Variants in GALNT13 observed in about 807,000 individuals in gnomAD.
GALNT13 encodes the protein UDP-GalNAc:polypeptide N-acetylgalactosaminyltransferase 13.
Under a neutral mutation model 64.2 loss-of-function variants are expected in GALNT13, and 28 were observed. That is an observed-to-expected ratio of 0.44 (90% CI 0.32 to 0.60). GALNT13 has a LOEUF of 0.60. Ranked by LOEUF, GALNT13 falls within the 20% of genes least tolerant of loss-of-function variation. The pLI is 0.05. For synonymous variants in GALNT13, 214 were observed against 224.6 expected (o/e 0.95, Z 0.42); for missense variants, 577 against 669.8 (o/e 0.86, Z 1.53).
chr2:154,355,271 G>T (rs554235761), intron 9 of GALNT13, among the ~76,000 whole-genome samples: 13 of 152,198 alleles, frequency 8.5e-5, no homozygotes, highest in African/African-American at 2.4e-4. Context: ...CACTGTAAAA[G>T]GTCACATGAG....
At chr2:153,308,312 C>T in the GALNT13 span, among the ~76,000 whole-genome samples, 6 of 152,226 alleles carry the variant, frequency 3.9e-5, no homozygotes, top group Admixed American at 6.5e-5. Flanking sequence ...TTAACCTGAC[C>T]TTGTCCATTT....
chr2:153,099,311 T>C, the GALNT13 span, among the ~76,000 whole-genome samples: 1 of 152,134 alleles, frequency 6.6e-6, no homozygotes, highest in South Asian at 2.1e-4. Context: ...TCTGTGACAT[T>C]TTGATGGTAA....
chr2:153,535,474 G>C, the GALNT13 span, among the ~76,000 whole-genome samples: 1 of 152,310 alleles, frequency 6.6e-6, no homozygotes, highest in Admixed American at 6.5e-5. Context: ...ATGAGTAGTT[G>C]AGAACGGTGA....
the GALNT13 span, among the ~76,000 whole-genome samples, chr2:153,112,701 G>A: frequency 6.6e-6 from 1 of 152,002 alleles, no homozygotes; most frequent in African/African-American, 2.4e-5. Flanking sequence ...TTCTTAATTA[G>A]AAGAACACAT....
intron 9 of GALNT13, among the ~76,000 whole-genome samples, chr2:154,307,434 T>C (rs1023851247): frequency 1.3e-5 from 2 of 152,244 alleles, no homozygotes; most frequent in African/African-American, 4.8e-5. Flanking sequence ...TAGCTTCATG[T>C]GTGAATACCT....
At chr2:153,847,443 G>A in the GALNT13 span, among the ~76,000 whole-genome samples, 2 of 151,352 alleles carry the variant, frequency 1.3e-5, no homozygotes, top group African/African-American at 4.9e-5. Flanking sequence ...TCACCCTAAG[G>A]TAAAAAAGAG....
At chr2:153,426,195 T>A in the GALNT13 span, among the ~76,000 whole-genome samples, 2 of 151,860 alleles carry the variant, frequency 1.3e-5, no homozygotes, top group African/African-American at 4.8e-5. Flanking sequence ...TAATCAGCAT[T>A]GGAGATTGAG....
At chr2:153,334,144 A>C in the GALNT13 span, among the ~76,000 whole-genome samples, 1 of 152,180 alleles carries the variant, frequency 6.6e-6, no homozygotes, top group Non-Finnish European at 1.5e-5. Context: ...CAAAAAAAGA[A>C]ATGAGAAAAG....
intron 3 of GALNT13, among the ~76,000 whole-genome samples, chr2:154,032,331 A>G (rs1698389928): frequency 6.6e-6 from 1 of 152,066 alleles, no homozygotes; most frequent in Admixed American, 6.6e-5. Flanking sequence ...AGATAGATTA[A>G]CTAGTGAAGT....
chr2:153,991,321 A>G (rs1695144477), intron 3 of GALNT13, among the ~76,000 whole-genome samples: 1 of 152,182 alleles, frequency 6.6e-6, no homozygotes, highest in African/African-American at 2.4e-5. Context: ...GGATTCAGGG[A>G]CCTGAAGATA....
chr2:153,615,125 A>C, the GALNT13 span, among the ~76,000 whole-genome samples: 1 of 152,070 alleles, frequency 6.6e-6, no homozygotes, highest in South Asian at 2.1e-4. Context: ...TGAAAAACAT[A>C]CCATGTTTGT....
chr2:154,152,549 C>G (rs982917481), intron 4 of GALNT13, among the ~76,000 whole-genome samples: 1 of 152,126 alleles, frequency 6.6e-6, no homozygotes, highest in Non-Finnish European at 1.5e-5. Context: ...TCCATTCACC[C>G]CGTCACTTTC....
Position 154,022,922 on chromosome 2 carries a change from C to T in GALNT13, c.142+78283C>T, listed in dbSNP as rs13015099. 9.6e-3 allele frequency among the ~76,000 whole-genome samples: 1,456 copies of T among 152,266 alleles called. 9 individuals are homozygous for T. The highest frequency in any genetic ancestry group is 0.024 in the Middle Eastern group (7 of 294). ...CTTTGTTCTCATTGGTTTCAAAGAA[C>T]ATCTTTATTTCTGCCTTCATTTCAT... On this transcript the variant is annotated intron_variant, in intron 3 of 12. Transcript: ENST00000392825.
At chr2:153,244,732 C>T in the GALNT13 span, among the ~76,000 whole-genome samples, 1 of 152,174 alleles carries the variant, frequency 6.6e-6, no homozygotes, top group Admixed American at 6.5e-5. Flanking sequence ...GTGCTTGAAA[C>T]CCAGGTGCCT....
chr2:153,556,551 C>A, the GALNT13 span, among the ~76,000 whole-genome samples: 2 of 152,184 alleles, frequency 1.3e-5, no homozygotes, highest in Non-Finnish European at 2.9e-5. Context: ...TCTTTTGCTA[C>A]CCAAAGGTAC....
the GALNT13 span, among the ~76,000 whole-genome samples, chr2:153,866,410 T>G: frequency 2.6e-5 from 4 of 152,274 alleles, no homozygotes; most frequent in East Asian, 5.8e-4. Context: ...CCACCTCCCT[T>G]TATAAACAAA....
At chr2:153,723,625 T>C in the GALNT13 span, among the ~76,000 whole-genome samples, 2 of 152,102 alleles carry the variant, frequency 1.3e-5, no homozygotes, top group African/African-American at 4.8e-5. Context: ...ACAATATCAA[T>C]GTACAAAAAT....
chr2:153,116,079 G>T, the GALNT13 span, among the ~76,000 whole-genome samples: 1 of 152,130 alleles, frequency 6.6e-6, no homozygotes, highest in Admixed American at 6.5e-5. Context: ...AAAAATACCA[G>T]AATGTTACAT....
the GALNT13 span, among the ~76,000 whole-genome samples, chr2:153,760,565 G>T: frequency 1.3e-5 from 2 of 151,848 alleles, no homozygotes; most frequent in African/African-American, 4.8e-5. Flanking sequence ...TTCTGTTTTT[G>T]ATTTATAATT....
Sources: gnomAD v4.1 joint callset for allele counts (sites outside exome capture counted in the v4.1 genomes callset) on GRCh38, gnomAD v4.1.1 for gene constraint, MANE v1.5 for transcripts, NCBI Gene and HGNC (gene_info 2026-07-23, HGNC 2026-07-21) for gene names.